SMAD5: variants seen among roughly 807,000 people sequenced by gnomAD.
The protein encoded by SMAD5 is SMAD family member 5.
A neutral mutation model predicts 43.1 loss-of-function variants in SMAD5; 9 were observed. That is an observed-to-expected ratio of 0.21 (90% confidence interval 0.13 to 0.36). The LOEUF (loss-of-function observed/expected upper bound fraction) is 0.36, where lower values mean the gene tolerates loss of function less well. Ranked by LOEUF, SMAD5 falls within the 10% of genes least tolerant of loss-of-function variation. SMAD5 has a pLI of 1.00. For synonymous variants in SMAD5, 190 were observed against 192.4 expected (o/e 0.99, Z 0.10); for missense variants, 348 against 574.0 (o/e 0.61, Z 4.02).
rs4470759 is a variant in SMAD5, at chr5:136,161,010, C to G, written c.558C>G (p.Pro186=). ...ACCAGCCCAACAACACTCCTTTTCC[C>G]TTATCTCCAAACAGCCCTTATCCCC... The part of the protein sequence containing the change: ...SFHQPNNTPF[P]LSPNSPYPPS... Residue 186 remains proline, a synonymous_variant, in exon 4 of 8, where the codon CCC becomes CCG. Coordinates refer to ENST00000545279, the MANE Select transcript of SMAD5 (RefSeq NM_005903.7). 6.2e-7 allele frequency: 1 copy of G among 1,613,904 alleles called. No homozygotes were observed. Among genetic ancestry groups the G allele is most frequent in the Admixed American group, 1.7e-5 (1 of 60,018 alleles).
intron 5 of SMAD5, among the ~76,000 whole-genome samples, chr5:136,172,074 G>T (rs1385027441): frequency 6.6e-6 from 1 of 152,168 alleles, no homozygotes; most frequent in African/African-American, 2.4e-5. Flanking sequence ...CCAGGAAGCA[G>T]GTCCTCACTA....
At chr5:136,167,505 C>T (rs1328288854) in intron 5 of SMAD5, among the ~76,000 whole-genome samples, 1 of 152,062 alleles carries the variant, frequency 6.6e-6, no homozygotes, top group Non-Finnish European at 1.5e-5. Context: ...TGGCTGGGCG[C>T]AGTGGCTCAC....
intron 7 of SMAD5, among the ~76,000 whole-genome samples, chr5:136,176,478 A>G (rs888435757): frequency 1.3e-4 from 19 of 149,778 alleles, no homozygotes; most frequent in African/African-American, 4.4e-4. Context: ...AAAAAAAAAA[A>G]AAAAAGAAAC....
rs190501432 is a variant in SMAD5 at position 136,146,846 on chromosome 5, G to A, written c.-244-986G>A. Among the ~76,000 whole-genome samples the A allele has an allele frequency of 4.3e-4, 66 of 151,790 alleles. No individual in the cohort carries two copies. In the East Asian group the frequency reaches 0.012, roughly 28 times the overall value. ...GCTGTTAAATATTAAGAGAATAGAT[G>A]AGTAAAATATGATTGCACCATTAAA... On this transcript the variant is annotated intron_variant, in intron 1 of 7. Transcript: ENST00000545279.
At position 136,169,676 on chromosome 5, in the gene SMAD5, A is replaced by G. The variant is rs1254020079; in HGVS notation, c.776-2758A>G. 2.0e-5 allele frequency among the ~76,000 whole-genome samples: 3 copies of G among 152,198 alleles called. No homozygotes were observed. The East Asian group carries it at 5.8e-4, about 29-fold the overall frequency. On this transcript the variant is annotated intron_variant, in intron 5 of 7. Coordinates refer to ENST00000545279, the MANE Select transcript of SMAD5 (RefSeq NM_005903.7). ...CAAATTTTATGGTAGGAGTATGTTT[A>G]GGTTTGTAAGAAACGGCCAAAGTGC...
intron 2 of SMAD5, among the ~76,000 whole-genome samples, chr5:136,151,057 A>AT (rs559805252): frequency 6.6e-6 from 1 of 151,912 alleles, no homozygotes; most frequent in Non-Finnish European, 1.5e-5. Context: ...ATAAATAACA[A>AT]TTTTTTTGTT....
In SMAD5 at chr5:136,179,189, A is replaced by T. The variant is rs1407787978; in HGVS notation, c.*1709A>T. 6.6e-6 allele frequency: 1 copy of T among 152,452 alleles called. No individual in the cohort carries two copies. The highest frequency in any genetic ancestry group is 1.5e-5 in the Non-Finnish European group (1 of 68,038). The allele number at this position is 152,452 out of a possible 1,614,324, so 9.4% of individuals were successfully genotyped here. A position where few individuals can be genotyped will look rare whatever the true frequency, so the allele number is the denominator to read the frequency against. On this transcript the variant is annotated 3_prime_UTR_variant, in exon 8 of 8. Coordinates refer to ENST00000545279, the MANE Select transcript of SMAD5 (RefSeq NM_005903.7). Reference sequence around the variant, plus strand: ...CCAAAACACAATCTTTAGAGAGAAAAGACATGAACGAACTCCAAAATATCC... The same window carrying T: ...CCAAAACACAATCTTTAGAGAGAAATGACATGAACGAACTCCAAAATATCC...
At chr5:136,169,536 C>A (rs1267694666) in intron 5 of SMAD5, among the ~76,000 whole-genome samples, 3 of 152,196 alleles carry the variant, frequency 2.0e-5, no homozygotes, top group African/African-American at 7.2e-5. Context: ...TGCTGAAGAA[C>A]CTTTTGGTTG....
Position 136,165,666 on chromosome 5 carries a change from T to A in SMAD5, c.775+2275T>A, listed in dbSNP as rs1298314829. On this transcript the variant is annotated intron_variant, in intron 5 of 7. Transcript: ENST00000545279. ...TCATATAAATGGAATCATACAATTT[T>A]TTTTTTTTTTTTTTTTTTTTTTTTT... Among the ~76,000 whole-genome samples the A allele has an allele frequency of 4.5e-4, 26 of 58,238 alleles. 2 individuals are homozygous for A. Among genetic ancestry groups the A allele is most frequent in the African/African-American group, 2.6e-3 (21 of 8,128 alleles). The allele number at this position is 58,238 out of a possible 152,430, so 38.2% of individuals were successfully genotyped here. A position where few individuals can be genotyped will look rare whatever the true frequency, so the allele number is the denominator to read the frequency against.
At chr5:136,144,578 C>T (rs899689549) in intron 1 of SMAD5, among the ~76,000 whole-genome samples, 1 of 150,886 alleles carries the variant, frequency 6.6e-6, no homozygotes, top group African/African-American at 2.4e-5. Flanking sequence ...AAATATATTA[C>T]CTCTTAATAT....
chr5:136,170,810 G>A (rs1754192955), intron 5 of SMAD5, among the ~76,000 whole-genome samples: 1 of 152,074 alleles, frequency 6.6e-6, no homozygotes, highest in African/African-American at 2.4e-5. Context: ...TTGTGCCTAA[G>A]TATTTAATTT....
intron 5 of SMAD5, among the ~76,000 whole-genome samples, chr5:136,164,130 T>C (rs1319545255): frequency 1.3e-5 from 2 of 152,110 alleles, no homozygotes; most frequent in African/African-American, 4.8e-5. Flanking sequence ...GAGGCTGAGG[T>C]TGCAGTGAGC....
rs1328472591 is a variant in SMAD5, at chr5:136,132,976, C to A, written c.-245+14C>A. On this transcript the variant is annotated intron_variant, in intron 1 of 7. Coordinates refer to ENST00000545279, the MANE Select transcript of SMAD5 (RefSeq NM_005903.7). ...GCCGGCTCGCGAGTGAGTGAGGGTC[C>A]CCGGCGCGCGCGGGCGAGGGGAACT... 1 of 152,276 alleles carries A rather than the reference C, an allele frequency of 6.6e-6. No homozygotes were observed. Among genetic ancestry groups the A allele is most frequent in the South Asian group, 2.1e-4 (1 of 4,836 alleles). The allele number at this position is 152,276 out of a possible 1,614,324, so 9.4% of individuals were successfully genotyped here. A position where few individuals can be genotyped will look rare whatever the true frequency, so the allele number is the denominator to read the frequency against.
rs1462039491 is a variant in SMAD5, at chr5:136,179,712, G to A, written c.*2232G>A. 6.6e-6 allele frequency: 1 copy of A among 152,144 alleles called. No homozygotes were observed. The highest frequency in any genetic ancestry group is 2.4e-5 in the African/African-American group (1 of 41,432). 9.4% of individuals were successfully genotyped at this position (152,144 alleles called of 1,614,324 possible). ...TCTTCCAGAGTTCTGTCTGCCACAC[G>A]AAAGAGAATATTTGCTTACTTGATA... On this transcript the variant is annotated 3_prime_UTR_variant, in exon 8 of 8. Coordinates refer to ENST00000545279, the MANE Select transcript of SMAD5 (RefSeq NM_005903.7).
chr5:136,161,890 T>G (rs1160799365), intron 4 of SMAD5, among the ~76,000 whole-genome samples: 1 of 152,192 alleles, frequency 6.6e-6, no homozygotes, highest in African/African-American at 2.4e-5. Context: ...ATAGGCTAGT[T>G]GATATAAACA....
chr5:136,168,179 G>A (rs1180659371), intron 5 of SMAD5, among the ~76,000 whole-genome samples: 1 of 152,106 alleles, frequency 6.6e-6, no homozygotes, highest in Admixed American at 6.5e-5. Context: ...GAGGGTCTGT[G>A]ATTTCTTTGC....
chr5:136,136,107 C>A (rs1020251527), intron 1 of SMAD5, among the ~76,000 whole-genome samples: 2 of 152,114 alleles, frequency 1.3e-5, no homozygotes, highest in African/African-American at 4.8e-5. Context: ...AAAGAAAAGG[C>A]CCAAGGAAGC....
Position 136,154,048 on chromosome 5 carries a change from G to T in SMAD5, c.288G>T (p.Pro96=). The change falls in exon 3 of 8, where the codon CCG becomes CCT. Residue 96 remains proline, a synonymous_variant. Coordinates refer to ENST00000545279, the MANE Select transcript of SMAD5 (RefSeq NM_005903.7). The stretch of plus-strand genomic sequence containing the variant: ...TATATTGTCGTGTTTGGCGCTGGCC[G>T]GATTTGCAGAGTCATCATGAGCTAA... ...HVIYCRVWRW[P]DLQSHHELKP... is the part of the protein sequence containing the mutation. The T allele has an allele frequency of 6.2e-7, 1 of 1,605,386 alleles. No individual in the cohort carries two copies. Among genetic ancestry groups the T allele is most frequent in the Non-Finnish European group, 8.5e-7 (1 of 1,176,580 alleles).
chr5:136,153,965 C>A lies in SMAD5; in HGVS notation c.205C>A (p.Pro69Thr). 1 of 1,611,354 alleles carries A rather than the reference C, an allele frequency of 6.2e-7. No individual in the cohort carries two copies. The highest frequency in any genetic ancestry group is 2.2e-5 in the East Asian group (1 of 44,874). ...ACAGCCGAGTAAATGTGTCACTATT[C>A]CCAGATCTTTAGATGGACGCCTGCA... ...PGQPSKCVTI[P>T]RSLDGRLQVS... Residue 69 changes from proline to threonine, a missense_variant, in exon 3 of 8, where the codon CCC (proline) becomes ACC (threonine). Pro to Thr is a conservative substitution (Grantham distance 38). Around this residue, in one of 5 missense-constraint regions of SMAD5, gnomAD observed 39 missense variants for 78.5 expected, o/e 0.50. Coordinates refer to ENST00000545279, the MANE Select transcript of SMAD5 (RefSeq NM_005903.7).
Sources: allele counts gnomAD v4.1 joint callset (sites outside exome capture counted in the v4.1 genomes callset), GRCh38; gene constraint gnomAD v4.1.1; regional missense constraint gnomAD v4.1.1; transcripts MANE v1.5; gene names NCBI Gene and HGNC (gene_info 2026-07-23, HGNC 2026-07-21).